Variants in TSPAN19 observed in about 807,000 individuals in gnomAD.
TSPAN19 encodes the protein tetraspanin 19.
A neutral mutation model predicts 35.1 loss-of-function variants in TSPAN19; 44 were observed. That is an observed-to-expected ratio of 1.25 (90% confidence interval 0.98 to 1.61). The LOEUF is 1.61. Ranked by LOEUF, TSPAN19 falls within the 40% of genes most tolerant of loss-of-function variation. The pLI is 0.00. For missense variants in TSPAN19, 290 were observed against 280.0 expected (o/e 1.04, Z -0.26); for synonymous variants, 79 against 92.0 (o/e 0.86, Z 0.81).
chr12:85,017,422 A>G, intron 7 of TSPAN19, 34 bp downstream of exon 7: 1 of 1,571,030 alleles, frequency 6.4e-7, no homozygotes, highest in Non-Finnish European at 8.6e-7. Flanking sequence ...ACAAAATACT[A>G]TAAATACTTG....
At chr12:85,019,503 T>C (rs995622419) in intron 6 of TSPAN19, 123 bp downstream of exon 6, 26 of 597,442 alleles carry the variant, frequency 4.4e-5, no homozygotes, top group Non-Finnish European at 6.5e-5. Flanking sequence ...TTTTGCCCAG[T>C]TTGTTTGAAA....
intron 6 of TSPAN19, among the ~76,000 whole-genome samples, chr12:85,018,591 A>T (rs1876948497): frequency 6.6e-6 from 1 of 151,960 alleles, no homozygotes; most frequent in South Asian, 2.1e-4. Context: ...CATACATAAG[A>T]GAAAAAGACA....
At chr12:85,031,808 T>G (rs1274603435) in intron 1 of TSPAN19, among the ~76,000 whole-genome samples, 1 of 152,038 alleles carries the variant, frequency 6.6e-6, no homozygotes, top group African/African-American at 2.4e-5. Flanking sequence ...CTCTTCCATT[T>G]AGAGTCCACC....
At chr12:85,022,454 A>G (rs895721391) in intron 5 of TSPAN19, among the ~76,000 whole-genome samples, 2 of 152,152 alleles carry the variant, frequency 1.3e-5, no homozygotes, top group African/African-American at 4.8e-5. Context: ...AGATCCTTCA[A>G]GATTAATTAA....
chr12:85,032,376 G>T (rs1877725888), intron 1 of TSPAN19, among the ~76,000 whole-genome samples: 1 of 152,092 alleles, frequency 6.6e-6, no homozygotes, highest in Non-Finnish European at 1.5e-5. Context: ...TTTACAGACT[G>T]AGAAGACAAT....
intron 5 of TSPAN19, among the ~76,000 whole-genome samples, chr12:85,020,906 T>G (rs1422959765): frequency 6.6e-6 from 1 of 152,074 alleles, no homozygotes; most frequent in Non-Finnish European, 1.5e-5. Flanking sequence ...GTTTGTCTTT[T>G]GTTATAGGGA....
At chr12:85,023,297 A>T (rs1365245898) in intron 5 of TSPAN19, 29 bp downstream of exon 5, 1 of 1,530,436 alleles carries the variant, frequency 6.5e-7, no homozygotes, top group Non-Finnish European at 8.9e-7. Flanking sequence ...AAATAACAGG[A>T]TGTATTGAAA....
intron 4 of TSPAN19, among the ~76,000 whole-genome samples, chr12:85,025,988 T>C (rs1383391524): frequency 6.6e-6 from 1 of 152,188 alleles, no homozygotes; most frequent in Admixed American, 6.6e-5. Flanking sequence ...TTCCATGGAA[T>C]GTCTAAAAGG....
At chr12:85,035,694 A>T (rs535082819) in intron 1 of TSPAN19, among the ~76,000 whole-genome samples, 10 of 152,094 alleles carry the variant, frequency 6.6e-5, no homozygotes, top group Non-Finnish European at 1.3e-4. Flanking sequence ...TATTAATTAA[A>T]ATATTATTTT....
At chr12:85,026,855 T>A (rs1008463844) in intron 4 of TSPAN19, among the ~76,000 whole-genome samples, 39 of 151,334 alleles carry the variant, frequency 2.6e-4, no homozygotes, top group Non-Finnish European at 4.4e-5. Context: ...GGAAAGTGAG[T>A]GTGTTTGTGG....
chr12:85,014,526 G>T lies in TSPAN19; in HGVS notation c.708C>A (p.Phe236Leu), dbSNP rs777502013. ...GGATTATATTCTTGATGTTTTTGAA[G>T]AAACAAACTGTTAATGAGACTTGGA... ...EVFQVSLTVC[F>L]FKNIKNIIHA... Residue 236 changes from phenylalanine to leucine, a missense_variant, in exon 9 of 9, where the codon TTC (phenylalanine) becomes TTA (leucine). Physicochemically the swap from Phe to Leu is conservative, Grantham distance 22. Transcript: ENST00000532498. 1.2e-6 allele frequency: 2 copies of T among 1,601,472 alleles called. No individual in the cohort carries two copies. Among genetic ancestry groups the T allele is most frequent in the Admixed American group, 3.4e-5 (2 of 58,314 alleles).
intron 1 of TSPAN19, among the ~76,000 whole-genome samples, chr12:85,034,817 A>G (rs1030069419): frequency 1.3e-5 from 2 of 152,186 alleles, no homozygotes; most frequent in Non-Finnish European, 2.9e-5. Flanking sequence ...TCGCATGACA[A>G]TATAGGAGAT....
intron 5 of TSPAN19, among the ~76,000 whole-genome samples, chr12:85,022,973 A>C (rs910751877): frequency 3.3e-5 from 5 of 152,160 alleles, no homozygotes; most frequent in Admixed American, 6.5e-5. Flanking sequence ...CTTTGCAAAA[A>C]CATAATACAG....
In TSPAN19 at chr12:85,014,425, A is replaced by G. The variant is rs1489671836; in HGVS notation, c.*62T>C. On this transcript the variant is annotated 3_prime_UTR_variant, in exon 9 of 9. Coordinates refer to ENST00000532498, the MANE Select transcript of TSPAN19 (RefSeq NM_001100917.2). Reference sequence around the variant, plus strand: ...CAATTCAAAACGTTTTTGGAATAAAATAATATAATGTGATTTTTTAAGAAT... The same window carrying G: ...CAATTCAAAACGTTTTTGGAATAAAGTAATATAATGTGATTTTTTAAGAAT... 5.7e-6 allele frequency: 7 copies of G among 1,231,364 alleles called. No homozygotes were observed. In the African/African-American group the frequency reaches 9.3e-5, roughly 16 times the overall value. 76.3% of individuals were successfully genotyped at this position (1,231,364 alleles called of 1,614,324 possible).
In TSPAN19 at chr12:85,027,924, T is replaced by C. The variant is rs1877493998; in HGVS notation, c.239A>G (p.Asn80Ser). Reference sequence around the variant, plus strand: ...CACAATTAGGAGCCATCTGATTTCGTTGTGAATTCCTATATAACCCAATAG... The same window carrying C: ...CACAATTAGGAGCCATCTGATTTCGCTGTGAATTCCTATATAACCCAATAG... ...FCLLGYIGIHNEIRWLLIVYA... is the reference protein window; with the variant it reads ...FCLLGYIGIHSEIRWLLIVYA... The change falls in exon 4 of 9, where the codon AAC becomes AGC. Residue 80 changes from asparagine to serine, a missense_variant. Asn to Ser is a conservative substitution (Grantham distance 46). Transcript: ENST00000532498. 6.3e-7 allele frequency: 1 copy of C among 1,584,816 alleles called. No individual in the cohort carries two copies. The highest frequency in any genetic ancestry group is 1.3e-5 in the African/African-American group (1 of 74,094).
At chr12:85,025,380 T>C (rs1014828989) in intron 4 of TSPAN19, among the ~76,000 whole-genome samples, 5 of 152,290 alleles carry the variant, frequency 3.3e-5, no homozygotes, top group South Asian at 4.1e-4. Flanking sequence ...TCTCAGGTGA[T>C]CTGCCCACCT....
At chr12:85,027,846 A>T in intron 4 of TSPAN19, 53 bp downstream of exon 4, 7 of 1,493,502 alleles carry the variant, frequency 4.7e-6, no homozygotes, top group Non-Finnish European at 5.4e-6. Context: ...TGTGTAACTT[A>T]GATACTTAAA....
At chr12:85,035,522 T>C (rs1211697451) in intron 1 of TSPAN19, among the ~76,000 whole-genome samples, 1 of 152,154 alleles carries the variant, frequency 6.6e-6, no homozygotes, top group African/African-American at 2.4e-5. Context: ...TTCAAGTTTA[T>C]TGTTACCAGG....
intron 5 of TSPAN19, among the ~76,000 whole-genome samples, chr12:85,020,098 T>C (rs114605902): frequency 2.6e-3 from 394 of 152,088 alleles, no homozygotes; most frequent in African/African-American, 9.0e-3. Context: ...CAATGGACAC[T>C]AGGCTTTTTC....
Sources: gnomAD v4.1 joint callset for allele counts (sites outside exome capture counted in the v4.1 genomes callset) on GRCh38, gnomAD v4.1.1 for gene constraint, MANE v1.5 for transcripts, NCBI Gene and HGNC (gene_info 2026-07-23, HGNC 2026-07-21) for gene names.